The following SAMSN1 variants were observed in gnomAD, a reference collection of about 807,000 sequenced individuals.
The protein encoded by SAMSN1 is SAM domain-containing protein SAMSN-1.
SAMSN1 carries 31 observed loss-of-function variants against 42.0 expected under a neutral mutation model. That is an observed-to-expected ratio of 0.74 (90% CI 0.55 to 1.00). The LOEUF is 1.00. Ranked by LOEUF, SAMSN1 falls within the 50% of genes least tolerant of loss-of-function variation. The pLI is 0.00. For missense variants in SAMSN1, 464 were observed against 439.4 expected, an observed-to-expected ratio of 1.06 and a Z score of -0.50; for synonymous variants, 178 against 151.9, an observed-to-expected ratio of 1.17 and a Z score of -1.26.
intron 2 of SAMSN1, among the ~76,000 whole-genome samples, chr21:14,567,926 A>G (rs1260258331): frequency 6.6e-6 from 1 of 152,192 alleles, no homozygotes; most frequent in Non-Finnish European, 1.5e-5. Flanking sequence ...ATTCTCAAAA[A>G]GACTTCTTGG....
At chr21:14,556,083 T>C (rs1369899985) in intron 2 of SAMSN1, among the ~76,000 whole-genome samples, 1 of 152,186 alleles carries the variant, frequency 6.6e-6, no homozygotes, top group Non-Finnish European at 1.5e-5. Flanking sequence ...TATATGAGCT[T>C]CCTTTCCTCA....
At chr21:14,585,813 T>C (rs894926485), upstream of SAMSN1, among the ~76,000 whole-genome samples, 13 of 152,216 alleles carry the variant, frequency 8.5e-5, no homozygotes, top group African/African-American at 3.1e-4. Flanking sequence ...ATAGTACATG[T>C]TTGATACTAG....
chr21:14,585,187 A>G (rs899858081), upstream of SAMSN1, among the ~76,000 whole-genome samples: 10 of 152,202 alleles, frequency 6.6e-5, 1 homozygote, highest in Admixed American at 6.5e-4. Flanking sequence ...ATTTTTTTGT[A>G]TTATTTCTCA....
At chr21:14,585,451 A>G (rs1487384486), upstream of SAMSN1, 1 of 152,230 alleles carries the variant, frequency 6.6e-6, no homozygotes, top group African/African-American at 2.4e-5. Flanking sequence ...AATGTGGAGA[A>G]AGGTATTATA....
chr21:14,526,540 A>T (rs116953950), intron 1 of SAMSN1, among the ~76,000 whole-genome samples: 1 of 152,224 alleles, frequency 6.6e-6, no homozygotes, highest in Non-Finnish European at 1.5e-5. Flanking sequence ...TTGCAAAACA[A>T]TCTTAATTAT....
intron 2 of SAMSN1, among the ~76,000 whole-genome samples, chr21:14,580,166 A>T (rs1981656207): frequency 6.6e-6 from 1 of 152,228 alleles, no homozygotes; most frequent in African/African-American, 2.4e-5. Context: ...GAATTCACAT[A>T]TCAGGCAGAG....
chr21:14,613,810 A>G (rs531442307), intron 3 of SAMSN1, among the ~76,000 whole-genome samples: 25 of 152,150 alleles, frequency 1.6e-4, no homozygotes, highest in African/African-American at 5.3e-4. Context: ...AAATATATAT[A>G]TAAATATACA....
At position 14,635,400 on chromosome 21, in the gene SAMSN1, A is replaced by G. The variant is rs186474432; in HGVS notation, c.156+7602T>C. On this transcript the variant is annotated intron_variant, in intron 2 of 15. Transcript: ENST00000647101. ...AATATGAATTAGTAGGTGAAAAAAT[A>G]CCACTATAATAGATGTTCTTGTTTA... Among the ~76,000 whole-genome samples, 118 of 152,316 alleles carry G rather than the reference A, an allele frequency of 7.7e-4. 1 individual carries two copies. The highest frequency in any genetic ancestry group is 2.7e-3 in the African/African-American group (114 of 41,572).
At chr21:14,549,540 C>T (rs893408140), upstream of SAMSN1, among the ~76,000 whole-genome samples, 17 of 152,086 alleles carry the variant, frequency 1.1e-4, no homozygotes, top group Non-Finnish European at 1.5e-5. Context: ...ATTTTATTAA[C>T]TCTAACCAAA....
intron 2 of SAMSN1, among the ~76,000 whole-genome samples, chr21:14,580,208 A>G (rs1981657803): frequency 6.6e-6 from 1 of 152,238 alleles, no homozygotes; most frequent in Admixed American, 6.5e-5. Context: ...TAGAGGGAAG[A>G]AAGTGTGAGA....
intron 1 of SAMSN1, among the ~76,000 whole-genome samples, chr21:14,529,814 T>C (rs185849418): frequency 6.2e-4 from 94 of 152,348 alleles, no homozygotes; most frequent in African/African-American, 2.2e-3. Flanking sequence ...AAATACTCAT[T>C]TGTATTGACT....
chr21:14,596,709 T>C (rs1161595000), intron 6 of SAMSN1, among the ~76,000 whole-genome samples: 1 of 152,052 alleles, frequency 6.6e-6, no homozygotes, highest in Non-Finnish European at 1.5e-5. Flanking sequence ...CTGCAGTCAA[T>C]TCCCATAAAA....
At chr21:14,513,212 A>T (rs1274358272) in intron 3 of SAMSN1, among the ~76,000 whole-genome samples, 1 of 152,240 alleles carries the variant, frequency 6.6e-6, no homozygotes, top group African/African-American at 2.4e-5. Flanking sequence ...TGTTTTCCAT[A>T]TTTCAATAGT....
intron 1 of SAMSN1, among the ~76,000 whole-genome samples, chr21:14,545,655 C>T (rs1026021719): frequency 2.0e-4 from 31 of 151,886 alleles, no homozygotes; most frequent in African/African-American, 6.3e-4. Flanking sequence ...AAACACAGCC[C>T]GATTTTTTGT....
chr21:14,490,055 A>C (rs1986618537), intron 7 of SAMSN1, among the ~76,000 whole-genome samples: 1 of 152,162 alleles, frequency 6.6e-6, no homozygotes, highest in African/African-American at 2.4e-5. Flanking sequence ...GATTCAAAAA[A>C]ATGAAAACTA....
chr21:14,575,727 A>C (rs1981438516), intron 2 of SAMSN1, among the ~76,000 whole-genome samples: 2 of 152,216 alleles, frequency 1.3e-5, no homozygotes, highest in Non-Finnish European at 2.9e-5. Context: ...ACTCACCACA[A>C]ATGGGAACAC....
chr21:14,546,418 C>T, upstream of SAMSN1: 2 of 1,268,316 alleles, frequency 1.6e-6, no homozygotes, highest in Admixed American at 3.5e-5. Context: ...TCAACATTTA[C>T]ATGGGTAATT....
intron 1 of SAMSN1, among the ~76,000 whole-genome samples, chr21:14,523,613 A>C (rs1391952007): frequency 6.6e-6 from 1 of 152,220 alleles, no homozygotes; most frequent in East Asian, 1.9e-4. Context: ...GAACACACAG[A>C]AATCTATTAC....
At chr21:14,566,179 C>T (rs1048052045) in intron 2 of SAMSN1, among the ~76,000 whole-genome samples, 3 of 152,168 alleles carry the variant, frequency 2.0e-5, no homozygotes, top group Admixed American at 2.0e-4. Context: ...TCTCCACTTG[C>T]ATCTGAATTG....
Sources: gnomAD v4.1 joint callset for allele counts (sites outside exome capture counted in the v4.1 genomes callset) on GRCh38, gnomAD v4.1.1 for gene constraint, MANE v1.5 for transcripts, NCBI Gene and HGNC (gene_info 2026-07-23, HGNC 2026-07-21) for gene names.